JAM3: variants seen among roughly 807,000 people sequenced by gnomAD.
JAM3 encodes junctional adhesion molecule C.
Under a neutral mutation model 39.4 loss-of-function variants are expected in JAM3, and 31 were observed. The observed-to-expected ratio is 0.79, with a 90% CI of 0.59 to 1.06. The LOEUF is 1.06. Among genes scored for constraint, JAM3 ranks in the 50% least tolerant of loss-of-function variants. JAM3 has a pLI of 0.00. For missense variants in JAM3, 455 were observed against 391.4 expected (o/e 1.16, Z -1.37); for synonymous variants, 182 against 148.7 (o/e 1.22, Z -1.63).
intron 1 of JAM3, among the ~76,000 whole-genome samples, chr11:134,115,247 T>A (rs979739385): frequency 1.8e-4 from 28 of 152,164 alleles, no homozygotes; most frequent in African/African-American, 5.8e-4. Flanking sequence ...TTTCATCCTT[T>A]TATTTTGAAG....
chr11:134,146,110 A>G (rs1425783673), intron 6 of JAM3, 65 bp downstream of exon 6: 1 of 1,103,172 alleles, frequency 9.1e-7, no homozygotes, highest in Admixed American at 1.8e-5. Flanking sequence ...TTTTAATTTA[A>G]TATTATACCA....
At chr11:134,148,460 TGAAG>T (rs1402819532) in intron 6 of JAM3, 83 bp from the exon 7 acceptor site, 10 of 1,587,400 alleles carry the variant, frequency 6.3e-6, no homozygotes, top group South Asian at 2.2e-5. Context: ...GGGTTTGGGG[TGAAG>T]GAAGGAGGCA....
At chr11:134,101,063 A>T (rs566694527) in intron 1 of JAM3, among the ~76,000 whole-genome samples, 40 of 152,314 alleles carry the variant, frequency 2.6e-4, no homozygotes, top group African/African-American at 9.6e-4. Context: ...ACTCAGGAAG[A>T]TATTGCCCCA....
At chr11:134,103,549 T>C (rs1220962477) in intron 1 of JAM3, among the ~76,000 whole-genome samples, 1 of 152,182 alleles carries the variant, frequency 6.6e-6, no homozygotes, top group East Asian at 1.9e-4. Context: ...AATGCTCCAA[T>C]TAAAAGACAC....
chr11:134,097,906 G>A (rs1942011545), intron 1 of JAM3, among the ~76,000 whole-genome samples: 2 of 151,830 alleles, frequency 1.3e-5, no homozygotes, highest in East Asian at 1.9e-4. Flanking sequence ...GTAAGATATT[G>A]AGTTTATGAC....
intron 1 of JAM3, among the ~76,000 whole-genome samples, chr11:134,112,677 G>C (rs936596403): frequency 2.0e-5 from 3 of 152,076 alleles, no homozygotes; most frequent in Non-Finnish European, 4.4e-5. Flanking sequence ...CCCAATTATA[G>C]ACAAGGAAAC....
chr11:134,081,787 C>T (rs1042817371), intron 1 of JAM3, among the ~76,000 whole-genome samples: 1 of 152,200 alleles, frequency 6.6e-6, no homozygotes, highest in Admixed American at 6.5e-5. Context: ...ATCCTCCAGA[C>T]CCCAGAATGA....
chr11:134,120,950 A>G (rs761446276), intron 1 of JAM3, among the ~76,000 whole-genome samples: 36 of 152,236 alleles, frequency 2.4e-4, no homozygotes, highest in Admixed American at 4.6e-4. Context: ...TCTTCAGAAT[A>G]GTACAGGAAA....
intron 1 of JAM3, among the ~76,000 whole-genome samples, chr11:134,098,731 TC>T (rs1177051048): frequency 6.6e-6 from 1 of 152,170 alleles, no homozygotes; most frequent in Non-Finnish European, 1.5e-5. Context: ...ATACTGCACT[TC>T]CTAAGGGTGA....
At chr11:134,108,753 TA>T (rs933204162) in intron 1 of JAM3, among the ~76,000 whole-genome samples, 1 of 151,940 alleles carries the variant, frequency 6.6e-6, no homozygotes, top group Admixed American at 6.6e-5. Context: ...CCATTTATGA[TA>T]AAAAAAACTT....
At chr11:134,135,931 G>A (rs1942856937) in intron 1 of JAM3, among the ~76,000 whole-genome samples, 1 of 151,982 alleles carries the variant, frequency 6.6e-6, no homozygotes, top group Non-Finnish European at 1.5e-5. Flanking sequence ...TTAGCCAGGT[G>A]TGGTGGCAGG....
rs558802922 is a variant in JAM3 at position 134,097,908 on chromosome 11, G to A, written c.76+28749G>A. 2.6e-5 allele frequency among the ~76,000 whole-genome samples: 4 copies of A among 151,848 alleles called. No homozygotes were observed. In the East Asian group the frequency reaches 7.7e-4, roughly 29 times the overall value. ...CACACTTTGCACTGTAAGATATTGA[G>A]TTTATGACATTAAGGACTCTGGCCC... On this transcript the variant is annotated intron_variant, in intron 1 of 8. Coordinates refer to ENST00000299106, the MANE Select transcript of JAM3 (RefSeq NM_032801.5).
At chr11:134,122,295 G>T (rs1044218400) in intron 1 of JAM3, among the ~76,000 whole-genome samples, 2 of 152,178 alleles carry the variant, frequency 1.3e-5, no homozygotes, top group Non-Finnish European at 2.9e-5. Flanking sequence ...AGCAAGATAA[G>T]ATGACTTTAA....
At chr11:134,124,441 A>G (rs1942603105) in intron 1 of JAM3, 2 of 528,824 alleles carry the variant, frequency 3.8e-6, no homozygotes, top group East Asian at 3.3e-5. Flanking sequence ...TAAAATGCCT[A>G]TTATCAATCA....
intron 1 of JAM3, among the ~76,000 whole-genome samples, chr11:134,135,815 T>C (rs1942854757): frequency 6.6e-6 from 1 of 152,126 alleles, no homozygotes; most frequent in Non-Finnish European, 1.5e-5. Context: ...ACCCCTGTAA[T>C]TCTAGCACTT....
chr11:134,108,109 AAGAT>A (rs1315079446), intron 1 of JAM3, among the ~76,000 whole-genome samples: 1 of 152,122 alleles, frequency 6.6e-6, no homozygotes, highest in Non-Finnish European at 1.5e-5. Context: ...TGCCAGGAAT[AAGAT>A]AGGTGACTAT....
chr11:134,083,277 A>G (rs1313777836), intron 1 of JAM3, among the ~76,000 whole-genome samples: 2 of 152,204 alleles, frequency 1.3e-5, no homozygotes, highest in East Asian at 3.8e-4. Context: ...GTCCATTTAC[A>G]GCAGATCGCT....
intron 1 of JAM3, among the ~76,000 whole-genome samples, chr11:134,126,960 G>T (rs1486267858): frequency 3.3e-5 from 5 of 152,206 alleles, no homozygotes; most frequent in Non-Finnish European, 5.9e-5. Context: ...GGCCATCTTA[G>T]TGTCACTTAG....
chr11:134,133,306 CT>C (rs1228282002), intron 1 of JAM3, among the ~76,000 whole-genome samples: 9 of 152,166 alleles, frequency 5.9e-5, no homozygotes, highest in African/African-American at 2.2e-4. Flanking sequence ...ACAAACTGCT[CT>C]TGCTAGAAAT....
Sources: gnomAD v4.1 joint callset for allele counts (sites outside exome capture counted in the v4.1 genomes callset) on GRCh38, gnomAD v4.1.1 for gene constraint, MANE v1.5 for transcripts, NCBI Gene and HGNC (gene_info 2026-07-23, HGNC 2026-07-21) for gene names.